Variants in ADAT1 observed in about 807,000 individuals in gnomAD.
ADAT1 encodes the protein tRNA-specific adenosine deaminase 1.
Under a neutral mutation model 58.6 loss-of-function variants are expected in ADAT1, and 58 were observed. That is an observed-to-expected ratio of 0.99 (90% CI 0.80 to 1.23). The LOEUF (loss-of-function observed/expected upper bound fraction) is 1.23. Among genes scored for constraint, ADAT1 ranks in the 50% most tolerant of loss-of-function variants. ADAT1 has a pLI of 0.00. For missense variants in ADAT1, 741 were observed against 608.6 expected (o/e 1.22, Z -2.29); for synonymous variants, 254 against 220.8 (o/e 1.15, Z -1.33).
chr16:75,603,130 T>C lies in ADAT1; in HGVS notation c.1331A>G (p.Lys444Arg). 1 of 1,614,146 alleles carries C rather than the reference T, an allele frequency of 6.2e-7. No homozygotes were observed. Among genetic ancestry groups the C allele is most frequent in the Non-Finnish European group, 8.5e-7 (1 of 1,179,986 alleles). ...GTCCCTTGCAATTCTGCTTAGCAGC[T>C]TCTGGAATGATCTGAAGAGTTCCAC... ...SKVELFRSFQ[K>R]LLSRIARDKW... The change falls in exon 9 of 10, where the codon AAG becomes AGG. Residue 444 changes from lysine to arginine, a missense_variant. By Grantham distance (26) the Lys-to-Arg change is conservative. Coordinates refer to ENST00000564657, the MANE Select transcript of ADAT1 (RefSeq NM_001324445.2).
chr16:75,615,439 C>T (rs1363133751), intron 5 of ADAT1, among the ~76,000 whole-genome samples: 1 of 112,460 alleles, frequency 8.9e-6, no homozygotes, highest in Non-Finnish European at 1.8e-5. Flanking sequence ...TTGTCTTGGG[C>T]CACACACAAA....
chr16:75,598,929 C>T lies in ADAT1; in HGVS notation c.*1287G>A. On this transcript the variant is annotated 3_prime_UTR_variant, in exon 10 of 10. Coordinates refer to ENST00000564657, the MANE Select transcript of ADAT1 (RefSeq NM_001324445.2). ...TTATAGCCACAAAATGCTGAAGAAC[C>T]AATAAGGACCTTGAGTAACCCCAAC... 1.0e-6 allele frequency: 1 copy of T among 985,328 alleles called. No homozygotes were observed. Among genetic ancestry groups the T allele is most frequent in the Non-Finnish European group, 1.2e-6 (1 of 829,914 alleles). The allele number at this position is 985,328 out of a possible 1,614,324, so 61.0% of individuals were successfully genotyped here.
intron 5 of ADAT1, among the ~76,000 whole-genome samples, chr16:75,615,923 A>G (rs907669808): frequency 6.6e-5 from 10 of 152,152 alleles, no homozygotes; most frequent in Admixed American, 2.0e-4. Context: ...GAAAAGAGCA[A>G]GGATGAGTGC....
In ADAT1 at chr16:75,597,620, GA is replaced by G. The variant is rs1182169991; in HGVS notation, c.*2595del. Among the ~76,000 whole-genome samples the G allele has an allele frequency of 6.6e-6, 1 of 152,158 alleles. No individual in the cohort carries two copies. The highest frequency in any genetic ancestry group is 2.4e-5 in the African/African-American group (1 of 41,404). On this transcript the variant is annotated 3_prime_UTR_variant, in exon 10 of 10. Coordinates refer to ENST00000564657, the MANE Select transcript of ADAT1 (RefSeq NM_001324445.2). ...TTATTATTACATCGTAATACATGAT[GA>G]AATAATTATACAACTCACCATAAGG... is the stretch of plus-strand genomic sequence containing the variant.
In ADAT1 at chr16:75,597,424, C is replaced by T. The variant is rs370907583; in HGVS notation, c.*2792G>A. 12 of 448,816 alleles carry T rather than the reference C, an allele frequency of 2.7e-5. No individual in the cohort carries two copies. The highest frequency in any genetic ancestry group is 2.1e-4 in the East Asian group (3 of 14,052). 27.8% of individuals were successfully genotyped at this position (448,816 alleles called of 1,614,324 possible). On this transcript the variant is annotated 3_prime_UTR_variant, in exon 10 of 10. Transcript: ENST00000564657. Reference sequence around the variant, plus strand: ...AAGCATGAAAGAGTCTTCTTCAGAGCAGCAGTCCCCAAGGCACGAAAAAGT... The same window carrying T: ...AAGCATGAAAGAGTCTTCTTCAGAGTAGCAGTCCCCAAGGCACGAAAAAGT...
chr16:75,620,549 A>T (rs1694982384), intron 2 of ADAT1, 82 bp downstream of exon 2: 7 of 1,537,620 alleles, frequency 4.6e-6, no homozygotes, highest in Non-Finnish European at 6.2e-6. Flanking sequence ...CACCCTACCC[A>T]CGACTGTACC....
chr16:75,603,089 G>C lies in ADAT1; in HGVS notation c.1372C>G (p.Leu458Val). The C allele has an allele frequency of 6.2e-7, 1 of 1,613,600 alleles. No individual in the cohort carries two copies. The highest frequency in any genetic ancestry group is 8.5e-7 in the Non-Finnish European group (1 of 1,179,524). ...AACATAGGTCAACAGCATCACCTGA[G>C]GGAGTGTGGCCACTTGTCCCTTGCA... ...RIARDKWPHSLRVQKLDTYQE... is the reference protein window; with the variant it reads ...RIARDKWPHSVRVQKLDTYQE... The change falls in exon 9 of 10, where the codon CTC becomes GTC. Residue 458 changes from leucine to valine, a missense_variant. Physicochemically the swap from Leu to Val is conservative, Grantham distance 32 (BLOSUM62 1). Coordinates refer to ENST00000564657, the MANE Select transcript of ADAT1 (RefSeq NM_001324445.2).
chr16:75,605,385 G>A (rs1421740345), intron 8 of ADAT1, among the ~76,000 whole-genome samples: 3 of 151,962 alleles, frequency 2.0e-5, no homozygotes, highest in Non-Finnish European at 4.4e-5. Flanking sequence ...CACAGCACCT[G>A]GCCTATTCCT....
rs1050624360 is a variant in ADAT1 at position 75,599,416 on chromosome 16, G to C, written c.*800C>G. ...CTTTTTGGACAGAACTCTTTCAATTGTAAGTCAGAAAACCAACACAAACAG... is the reference window on the plus strand; with the variant it reads ...CTTTTTGGACAGAACTCTTTCAATTCTAAGTCAGAAAACCAACACAAACAG... On this transcript the variant is annotated 3_prime_UTR_variant, in exon 10 of 10. Coordinates refer to ENST00000564657, the MANE Select transcript of ADAT1 (RefSeq NM_001324445.2). 3.0e-6 allele frequency: 3 copies of C among 985,612 alleles called. No homozygotes were observed. The highest frequency in any genetic ancestry group is 3.6e-6 in the Non-Finnish European group (3 of 829,916). The allele number at this position is 985,612 out of a possible 1,614,324, so 61.1% of individuals were successfully genotyped here. A position where few individuals can be genotyped will look rare whatever the true frequency, so the allele number is the denominator to read the frequency against.
chr16:75,603,240 GC>G, intron 8 of ADAT1, 69 bp from the exon 9 acceptor site: 2 of 1,378,736 alleles, frequency 1.5e-6, no homozygotes, highest in Non-Finnish European at 2.0e-6. Flanking sequence ...TATCAAAGAT[GC>G]CAGGCTTCAT....
At chr16:75,601,955 G>C (rs761817384) in intron 9 of ADAT1, 3 of 152,086 alleles carry the variant, frequency 2.0e-5, no homozygotes, top group East Asian at 1.9e-4. Context: ...ACCAGTTCCC[G>C]GGAGCCTCTA....
chr16:75,613,984 G>A (rs926170148), intron 5 of ADAT1, among the ~76,000 whole-genome samples: 7 of 152,108 alleles, frequency 4.6e-5, no homozygotes, highest in African/African-American at 1.4e-4. Flanking sequence ...GAGGTGAGGA[G>A]TTCGAGACCA....
rs916595898 is a variant in ADAT1, at chr16:75,598,068, G to T, written c.*2148C>A. On this transcript the variant is annotated 3_prime_UTR_variant, in exon 10 of 10. Coordinates refer to ENST00000564657, the MANE Select transcript of ADAT1 (RefSeq NM_001324445.2). ...ACTTCTAGCCTCCAGAACTGAAAGGGGATACAGTCTTTTCTTCTTATTTTT... is the reference window on the plus strand; with the variant it reads ...ACTTCTAGCCTCCAGAACTGAAAGGTGATACAGTCTTTTCTTCTTATTTTT... 1 of 159,516 alleles carries T rather than the reference G, an allele frequency of 6.3e-6. No homozygotes were observed. The highest frequency in any genetic ancestry group is 2.4e-5 in the African/African-American group (1 of 41,464). 9.9% of individuals were successfully genotyped at this position (159,516 alleles called of 1,614,324 possible).
Position 75,598,279 on chromosome 16 carries a change from T to C in ADAT1, c.*1937A>G, listed in dbSNP as rs1262425877. The stretch of plus-strand genomic sequence containing the variant: ...TTTAGTAGAAAGGGGCTTCACCATG[T>C]TGGCCAGGATGGTCTTGATCTCCTG... On this transcript the variant is annotated 3_prime_UTR_variant, in exon 10 of 10. Transcript: ENST00000564657. 4 of 345,384 alleles carry C rather than the reference T, an allele frequency of 1.2e-5. No individual in the cohort carries two copies. Among genetic ancestry groups the C allele is most frequent in the Non-Finnish European group, 2.3e-5 (4 of 173,000 alleles). The allele number at this position is 345,384 out of a possible 1,614,324, so 21.4% of individuals were successfully genotyped here. A position where few individuals can be genotyped will look rare whatever the true frequency, so the allele number is the denominator to read the frequency against.
intron 3 of ADAT1, 45 bp downstream of exon 3, chr16:75,620,221 C>G: frequency 6.3e-7 from 1 of 1,593,286 alleles, no homozygotes. Context: ...AACATGGACA[C>G]TGGTTTCAAG....
chr16:75,611,663 T>A (rs144447739), intron 6 of ADAT1, among the ~76,000 whole-genome samples: 1,982 of 151,958 alleles, frequency 0.013, 52 homozygotes, highest in African/African-American at 0.044. Flanking sequence ...ATTACAGTCG[T>A]GAGCCACCAT....
intron 6 of ADAT1, among the ~76,000 whole-genome samples, chr16:75,609,959 C>A (rs2151759475): frequency 6.6e-6 from 1 of 152,314 alleles, no homozygotes; most frequent in South Asian, 2.1e-4. Context: ...CCACTCCAGC[C>A]TCCCAAAGTG....
chr16:75,603,067 A>G lies in ADAT1; in HGVS notation c.1376+18T>C, dbSNP rs1038759016. ...GTTGTCTACCTAAATATGAGAAAAC[A>G]TAGGTCAACAGCATCACCTGAGGGA... On this transcript the variant is annotated intron_variant, in intron 9 of 9. Coordinates refer to ENST00000564657, the MANE Select transcript of ADAT1 (RefSeq NM_001324445.2). 6.2e-7 allele frequency: 1 copy of G among 1,608,640 alleles called. No homozygotes were observed. The highest frequency in any genetic ancestry group is 1.3e-5 in the African/African-American group (1 of 74,770).
rs572340448 is a variant in ADAT1 at position 75,621,920 on chromosome 16, G to A, written c.-22+483C>T. Among the ~76,000 whole-genome samples the A allele has an allele frequency of 3.9e-5, 6 of 152,322 alleles. No homozygotes were observed. In the South Asian group the frequency reaches 8.3e-4, roughly 21 times the overall value. On this transcript the variant is annotated intron_variant, in intron 1 of 9. Coordinates refer to ENST00000564657, the MANE Select transcript of ADAT1 (RefSeq NM_001324445.2). ...TAAAACCAAACTGAAGGCCGGGCGC[G>A]GTGGCTCACCTGAGGTCAGGAGTTC... is the stretch of plus-strand genomic sequence containing the variant.
Sources: allele counts gnomAD v4.1 joint callset (sites outside exome capture counted in the v4.1 genomes callset), GRCh38; gene constraint gnomAD v4.1.1; transcripts MANE v1.5; gene names NCBI Gene and HGNC (gene_info 2026-07-23, HGNC 2026-07-21).